The following AIF1L variants were observed in gnomAD, a reference collection of about 807,000 sequenced individuals.
The protein encoded by AIF1L is allograft inflammatory factor 1 like.
AIF1L carries 12 observed loss-of-function variants against 20.7 expected under a neutral mutation model. The observed-to-expected ratio is 0.58, with a 90% CI of 0.37 to 0.94. The LOEUF (loss-of-function observed/expected upper bound fraction) is 0.94, where lower values mean the gene tolerates loss of function less well. Among genes scored for constraint, AIF1L ranks in the 40% least tolerant of loss-of-function variants. AIF1L has a pLI of 0.01. For missense variants in AIF1L, 173 were observed against 185.3 expected, an observed-to-expected ratio of 0.93 and a Z score of 0.39; for synonymous variants, 76 against 65.1, an observed-to-expected ratio of 1.17 and a Z score of -0.81.
intron 2 of AIF1L, among the ~76,000 whole-genome samples, chr9:131,105,813 G>A (rs1228843071): frequency 1.4e-5 from 2 of 143,872 alleles, no homozygotes; most frequent in African/African-American, 5.1e-5. Context: ...TTCAATGGAT[G>A]TTTTGTTGTT....
At chr9:131,104,710 G>A (rs1431049208) in intron 2 of AIF1L, among the ~76,000 whole-genome samples, 2 of 151,982 alleles carry the variant, frequency 1.3e-5, no homozygotes, top group Non-Finnish European at 2.9e-5. Context: ...ATAAGTATTA[G>A]AAAAAAATAA....
intron 2 of AIF1L, among the ~76,000 whole-genome samples, chr9:131,106,019 A>G (rs150545962): frequency 1.4e-4 from 22 of 152,128 alleles, no homozygotes; most frequent in African/African-American, 4.8e-4. Context: ...GGATCTCCCT[A>G]TGTTGCTCAG....
intron 5 of AIF1L, among the ~76,000 whole-genome samples, chr9:131,119,909 T>C (rs2133412910): frequency 6.6e-6 from 1 of 152,292 alleles, no homozygotes; most frequent in Non-Finnish European, 1.5e-5. Flanking sequence ...TGGCTCAGCC[T>C]CCTCCAGGCA....
At chr9:131,111,914 C>T (rs1015600811) in intron 3 of AIF1L, 1 of 529,768 alleles carries the variant, frequency 1.9e-6, no homozygotes, top group Non-Finnish European at 3.4e-6. Flanking sequence ...CTGCCCCTCT[C>T]TCTCCCCTCA....
chr9:131,121,060 A>T lies in AIF1L; in HGVS notation c.*738A>T. 1.4e-6 allele frequency: 1 copy of T among 693,082 alleles called. No individual in the cohort carries two copies. The highest frequency in any genetic ancestry group is 2.7e-6 in the Non-Finnish European group (1 of 375,468). The allele number at this position is 693,082 out of a possible 1,614,324, so 42.9% of individuals were successfully genotyped here. A position where few individuals can be genotyped will look rare whatever the true frequency, so the allele number is the denominator to read the frequency against. ...GCAGAGGGCTTCGGAGGCAGAAGTG[A>T]GGCCTGGGGTTTTGGGGGAAAGGTC... On this transcript the variant is annotated 3_prime_UTR_variant, in exon 6 of 6. Transcript: ENST00000247291.
intron 4 of AIF1L, 129 bp from the exon 5 acceptor site, chr9:131,117,627 C>A: frequency 1.0e-6 from 1 of 956,998 alleles, no homozygotes; most frequent in Non-Finnish European, 1.5e-6. Context: ...TGATGGGCTC[C>A]TCCTCCCTAG....
chr9:131,096,546 G>C lies in AIF1L; in HGVS notation c.-84G>C. On this transcript the variant is annotated 5_prime_UTR_variant, in exon 1 of 6. Transcript: ENST00000247291. ...TCCCGCGGCCACACGCAGCTAGCCGGAGCCCGGACCAGGCGCCTGTGCCTC... is the reference window on the plus strand; with the variant it reads ...TCCCGCGGCCACACGCAGCTAGCCGCAGCCCGGACCAGGCGCCTGTGCCTC... 2.1e-6 allele frequency: 3 copies of C among 1,452,554 alleles called. No homozygotes were observed. The highest frequency in any genetic ancestry group is 2.6e-5 in the South Asian group (2 of 76,506). The allele number at this position is 1,452,554 out of a possible 1,614,324, so 90.0% of individuals were successfully genotyped here.
chr9:131,102,772 G>A (rs1484706251), intron 2 of AIF1L: 2 of 391,214 alleles, frequency 5.1e-6, no homozygotes, highest in Non-Finnish European at 1.0e-5. Flanking sequence ...CTTGTGGCCT[G>A]GCCCTGGCCC....
intron 2 of AIF1L, among the ~76,000 whole-genome samples, chr9:131,107,708 T>C (rs1588182770): frequency 6.6e-6 from 1 of 152,358 alleles, no homozygotes; most frequent in East Asian, 1.9e-4. Context: ...AAATAAAAAG[T>C]TGGCACTCGT....
chr9:131,099,456 G>T (rs1215380797), intron 2 of AIF1L, among the ~76,000 whole-genome samples: 1 of 152,252 alleles, frequency 6.6e-6, no homozygotes, highest in Admixed American at 6.5e-5. Flanking sequence ...GCAGAATTGT[G>T]CTGGCAGCCC....
chr9:131,105,998 T>C (rs1345898466), intron 2 of AIF1L, among the ~76,000 whole-genome samples: 2 of 152,142 alleles, frequency 1.3e-5, no homozygotes, highest in Non-Finnish European at 2.9e-5. Flanking sequence ...TTTTAATTTT[T>C]TGTAGAGATG....
At chr9:131,118,618 C>A (rs1339569868) in intron 5 of AIF1L, among the ~76,000 whole-genome samples, 1 of 151,376 alleles carries the variant, frequency 6.6e-6, no homozygotes, top group African/African-American at 2.4e-5. Flanking sequence ...ATGATCTCAG[C>A]TCACTGCAAC....
intron 4 of AIF1L, 121 bp downstream of exon 4, chr9:131,114,739 G>A (rs1038493683): frequency 2.2e-5 from 29 of 1,297,694 alleles, no homozygotes; most frequent in Admixed American, 1.2e-4. Flanking sequence ...ATGTTGCGCC[G>A]AGCCAGCCCC....
chr9:131,114,411 G>C, intron 3 of AIF1L, 166 bp from the exon 4 acceptor site: 1 of 705,700 alleles, frequency 1.4e-6, no homozygotes, highest in South Asian at 1.6e-5. Context: ...TTTCCCCAGA[G>C]GCCATGGCTC....
intron 4 of AIF1L, among the ~76,000 whole-genome samples, chr9:131,117,038 G>A (rs528144387): frequency 1.3e-5 from 2 of 152,196 alleles, no homozygotes; most frequent in Non-Finnish European, 2.9e-5. Flanking sequence ...CAATCCAAAG[G>A]AAATTGCCTC....
chr9:131,117,859 T>C lies in AIF1L; in HGVS notation c.306T>C (p.Thr102=). ...AGGTGACAGGAGGGGTCAGTGACACTATATCCTACCGAGACTTTGTGAACA... is the reference window on the plus strand; with the variant it reads ...AGGTGACAGGAGGGGTCAGTGACACCATATCCTACCGAGACTTTGTGAACA... ...ISEVTGGVSD[T]ISYRDFVNMM... is the part of the protein sequence containing the mutation. Residue 102 remains threonine (T), a synonymous_variant, in exon 5 of 6, where the codon ACT becomes ACC. Transcript: ENST00000247291. The C allele has an allele frequency of 6.2e-7, 1 of 1,614,078 alleles. No individual in the cohort carries two copies. The highest frequency in any genetic ancestry group is 8.5e-7 in the Non-Finnish European group (1 of 1,179,986).
At chr9:131,097,570 T>G (rs1483056782) in intron 2 of AIF1L, among the ~76,000 whole-genome samples, 2 of 152,238 alleles carry the variant, frequency 1.3e-5, no homozygotes, top group African/African-American at 4.8e-5. Flanking sequence ...TCCTGGTGGA[T>G]TTCTCAAAAG....
intron 3 of AIF1L, among the ~76,000 whole-genome samples, chr9:131,113,098 C>T (rs1830930932): frequency 1.3e-5 from 2 of 152,026 alleles, no homozygotes; most frequent in African/African-American, 2.4e-5. Context: ...GGAGACTAAA[C>T]AGAGAGCCGG....
rs1831135261 is a variant in AIF1L, at chr9:131,121,401, C to T, written c.*1079C>T. The T allele has an allele frequency of 5.7e-6, 2 of 352,922 alleles. No individual in the cohort carries two copies. The highest frequency in any genetic ancestry group is 4.7e-5 in the Admixed American group (1 of 21,182). The allele number at this position is 352,922 out of a possible 1,614,324, so 21.9% of individuals were successfully genotyped here. On this transcript the variant is annotated 3_prime_UTR_variant, in exon 6 of 6. Coordinates refer to ENST00000247291, the MANE Select transcript of AIF1L (RefSeq NM_031426.4). Reference sequence around the variant, plus strand: ...GTCTAACTCATCTCTCCCCAGATCTCTCAGAACCTTGAGCTTGGGAATTGA... The same window carrying T: ...GTCTAACTCATCTCTCCCCAGATCTTTCAGAACCTTGAGCTTGGGAATTGA...
Sources: allele counts gnomAD v4.1 joint callset (sites outside exome capture counted in the v4.1 genomes callset), GRCh38; gene constraint gnomAD v4.1.1; transcripts MANE v1.5; gene names NCBI Gene and HGNC (gene_info 2026-07-23, HGNC 2026-07-21).